The following EZH2 variants were observed in gnomAD, a reference collection of about 807,000 sequenced individuals.
EZH2 encodes the protein histone-lysine N-methyltransferase EZH2.
In EZH2, 18 loss-of-function variants were observed where a neutral mutation model predicts 98.4. The ratio of observed to expected loss-of-function variants is 0.18; its 90% CI spans 0.13 to 0.27. EZH2 has a LOEUF of 0.27. EZH2 is among the 10% of genes least tolerant of loss of function. The pLI is 1.00. For synonymous variants in EZH2, 338 were observed against 312.3 expected (o/e 1.08, Z -0.87); for missense variants, 470 against 935.1 (o/e 0.50, Z 6.49).
chr7:148,873,680 T>C (rs1819786746), intron 1 of EZH2, among the ~76,000 whole-genome samples: 1 of 150,688 alleles, frequency 6.6e-6, no homozygotes, highest in Non-Finnish European at 1.5e-5. Flanking sequence ...CAGCTAACAG[T>C]ACACTGGGTG....
chr7:148,849,488 T>C (rs900900635), intron 1 of EZH2, among the ~76,000 whole-genome samples: 2 of 152,116 alleles, frequency 1.3e-5, no homozygotes, highest in African/African-American at 4.8e-5. Flanking sequence ...TTGAGTGTAT[T>C]TGACATAAAG....
intron 1 of EZH2, among the ~76,000 whole-genome samples, chr7:148,864,254 T>C (rs564231385): frequency 2.6e-5 from 4 of 152,370 alleles, no homozygotes; most frequent in South Asian, 4.1e-4. Context: ...CTGGTGTTTA[T>C]CTGAGAGTAC....
At chr7:148,832,494 T>C in intron 4 of EZH2, 140 bp downstream of exon 4, 1 of 547,142 alleles carries the variant, frequency 1.8e-6, no homozygotes, top group Non-Finnish European at 3.2e-6. Flanking sequence ...TAATCAATTT[T>C]TAAAAATTAC....
At chr7:148,840,510 T>C (rs1315443521) in intron 3 of EZH2, among the ~76,000 whole-genome samples, 1 of 152,202 alleles carries the variant, frequency 6.6e-6, no homozygotes, top group Non-Finnish European at 1.5e-5. Flanking sequence ...ACAGGGACTT[T>C]TGCTTTCTGT....
rs139878257 is a variant in EZH2, at chr7:148,814,024, C to T, written c.1786G>A (p.Ala596Thr). 292 of 1,614,004 alleles carry T rather than the reference C, an allele frequency of 1.8e-4. No homozygotes were observed. The highest frequency in any genetic ancestry group is 2.4e-4 in the Non-Finnish European group (280 of 1,180,028). ...ACATTTTTACTGTCCCAATGGTCAGCGGCTCCACAAGTAAGACAGAGGTCA... is the reference window on the plus strand; with the variant it reads ...ACATTTTTACTGTCCCAATGGTCAGTGGCTCCACAAGTAAGACAGAGGTCA... ...DPDLCLTCGA[A>T]DHWDSKNVSC... Residue 596 changes from alanine to threonine, a missense_variant, in exon 15 of 20, where the codon GCT (alanine) becomes ACT (threonine). Around this residue, in one of 6 missense-constraint regions of EZH2, gnomAD observed 106 missense variants for 327.2 expected, o/e 0.32. Coordinates refer to ENST00000320356, the MANE Select transcript of EZH2 (RefSeq NM_004456.5).
chr7:148,828,325 G>A (rs186186424), intron 6 of EZH2, among the ~76,000 whole-genome samples: 6 of 152,204 alleles, frequency 3.9e-5, no homozygotes, highest in African/African-American at 1.2e-4. Context: ...AGATAATGTT[G>A]CAAGTATTAT....
chr7:148,817,135 C>A (rs1584932028), intron 11 of EZH2, 87 bp downstream of exon 11: 1 of 1,303,214 alleles, frequency 7.7e-7, no homozygotes, highest in Non-Finnish European at 1.0e-6. Flanking sequence ...TTAGTAATAA[C>A]CAAGAATTTT....
chr7:148,823,185 T>C (rs753897751), intron 8 of EZH2, among the ~76,000 whole-genome samples: 2 of 152,218 alleles, frequency 1.3e-5, no homozygotes, highest in Non-Finnish European at 2.9e-5. Flanking sequence ...CTGACTTTGC[T>C]GGTAGGGCTT....
intron 1 of EZH2, among the ~76,000 whole-genome samples, chr7:148,873,252 A>G (rs2373416): frequency 0.18 from 26,981 of 151,612 alleles, 2,609 homozygotes; most frequent in East Asian, 0.25. Flanking sequence ...AGCACTTTGC[A>G]AGGCCAAGGC....
At position 148,827,109 on chromosome 7, in the gene EZH2, A is replaced by C. The variant is rs1807941074; in HGVS notation, c.728+55T>G. 8.1e-6 allele frequency: 11 copies of C among 1,357,566 alleles called. No homozygotes were observed. In the South Asian group the frequency reaches 1.4e-4, roughly 18 times the overall value. The allele number at this position is 1,357,566 out of a possible 1,614,324, so 84.1% of individuals were successfully genotyped here. A position where few individuals can be genotyped will look rare whatever the true frequency, so the allele number is the denominator to read the frequency against. On this transcript the variant is annotated intron_variant, in intron 7 of 19. Coordinates refer to ENST00000320356, the MANE Select transcript of EZH2 (RefSeq NM_004456.5). ...TTGATTCCATTTGTAATAAACCAAA[A>C]TGGTGAGTTACATACCATACAGGGC...
chr7:148,833,141 CACTTAAATCTT>C (rs1659189939), intron 3 of EZH2, among the ~76,000 whole-genome samples: 2 of 152,128 alleles, frequency 1.3e-5, no homozygotes, highest in African/African-American at 4.8e-5. Flanking sequence ...CCAAATAAGC[CACTTAAATCTT>C]ACTTAATAAG....
At chr7:148,843,043 ACT>A (rs1812879537) in intron 3 of EZH2, among the ~76,000 whole-genome samples, 1 of 152,056 alleles carries the variant, frequency 6.6e-6, no homozygotes. Flanking sequence ...CCCCATCTCT[ACT>A]AAAAATACAA....
intron 1 of EZH2, among the ~76,000 whole-genome samples, chr7:148,870,371 GCA>G (rs1440128581): frequency 1.3e-5 from 2 of 151,984 alleles, no homozygotes; most frequent in African/African-American, 4.8e-5. Flanking sequence ...AATAAGGATT[GCA>G]CAGTTTTTTC....
chr7:148,829,388 C>T (rs1412302915), intron 5 of EZH2, among the ~76,000 whole-genome samples: 2 of 152,114 alleles, frequency 1.3e-5, no homozygotes, highest in Admixed American at 1.3e-4. Flanking sequence ...CCCTATATGC[C>T]ACAGAAGCAG....
rs764794155 is a variant in EZH2, at chr7:148,809,033, A to AG, written c.2195+37dup. The AG allele has an allele frequency of 6.5e-6, 10 of 1,536,258 alleles. No individual in the cohort carries two copies. The South Asian group carries it at 1.1e-4, about 17-fold the overall frequency. ...CCAGAGTTCACAATCCAGTAGAAAA[A>AG]GCCCTTAGAGATCATGCTAGAAATG... On this transcript the variant is annotated intron_variant, in intron 19 of 19. Transcript: ENST00000320356.
At chr7:148,816,980 C>A in intron 11 of EZH2, 1 of 593,488 alleles carries the variant, frequency 1.7e-6, no homozygotes, top group Non-Finnish European at 2.9e-6. Context: ...TGCTAAATTT[C>A]AATTCTTACT....
In EZH2 at chr7:148,807,710, AAAC is replaced by A. The variant is rs1228389646; in HGVS notation, c.2196-7_2196-5del. 3 of 1,587,546 alleles carry A rather than the reference AAAC, an allele frequency of 1.9e-6. No homozygotes were observed. The highest frequency in any genetic ancestry group is 1.7e-4 in the Middle Eastern group (1 of 6,044). On this transcript the variant is annotated splice_region_variant and splice_polypyrimidine_tract_variant and intron_variant, in intron 19 of 19. Transcript: ENST00000320356. ...CAGGGCATCAGCCTGGCTGTATCTG[AAAC>A]AACAGGAAGGAGATGTCCGCTGGAT...
intron 1 of EZH2, among the ~76,000 whole-genome samples, chr7:148,870,238 A>C (rs899882592): frequency 1.3e-5 from 2 of 152,190 alleles, no homozygotes; most frequent in African/African-American, 4.8e-5. Flanking sequence ...GTATTTCCCA[A>C]CCTTTTCTGA....
intron 1 of EZH2, among the ~76,000 whole-genome samples, chr7:148,852,218 C>T (rs1216168673): frequency 6.6e-6 from 1 of 152,230 alleles, no homozygotes; most frequent in Non-Finnish European, 1.5e-5. Context: ...CACAGATTTA[C>T]ATTTACATAG....
Sources: gnomAD v4.1 joint callset for allele counts (sites outside exome capture counted in the v4.1 genomes callset) on GRCh38, gnomAD v4.1.1 for gene constraint, gnomAD v4.1.1 regional missense constraint, MANE v1.5 for transcripts, NCBI Gene and HGNC (gene_info 2026-07-23, HGNC 2026-07-21) for gene names.